Variants in TENM3 observed in about 807,000 individuals in gnomAD.
The protein encoded by TENM3 is teneurin-3.
TENM3 carries 63 observed loss-of-function variants against 255.1 expected under a neutral mutation model. The observed-to-expected ratio is 0.25, with a 90% CI of 0.20 to 0.30. The LOEUF is 0.30. Among genes scored for constraint, TENM3 ranks in the 10% least tolerant of loss-of-function variants. The probability of loss-of-function intolerance (pLI) is 1.00; values close to 1 mark genes in which losing one functional copy is unlikely to be tolerated. For missense variants in TENM3, 2,929 were observed against 3,461.1 expected (o/e 0.85, Z 3.86); for synonymous variants, 1,306 against 1,322.3 (o/e 0.99, Z 0.27).
the TENM3 span, among the ~76,000 whole-genome samples, chr4:181,495,639 C>T: frequency 2.0e-5 from 3 of 151,744 alleles, no homozygotes; most frequent in Admixed American, 1.3e-4. Flanking sequence ...CGACACTTTG[C>T]GTGTAAAGTT....
intron 6 of TENM3, among the ~76,000 whole-genome samples, chr4:182,670,658 A>G (rs1208955172): frequency 6.6e-6 from 1 of 152,126 alleles, no homozygotes; most frequent in Non-Finnish European, 1.5e-5. Context: ...AGCAATTCTA[A>G]CATTTGCTAG....
At chr4:182,346,509 G>A in intron 2 of TENM3, 142 bp from the exon 3 acceptor site, 1 of 836,318 alleles carries the variant, frequency 1.2e-6, no homozygotes, top group Non-Finnish European at 1.8e-6. Flanking sequence ...TGACGCTACT[G>A]TAAACGCCTG....
At chr4:182,522,676 G>A (rs764132807) in intron 3 of TENM3, among the ~76,000 whole-genome samples, 21 of 152,186 alleles carry the variant, frequency 1.4e-4, no homozygotes, top group African/African-American at 5.1e-4. Context: ...ATCTGCCGTG[G>A]TGTATACCAC....
At chr4:181,839,384 T>C in the TENM3 span, among the ~76,000 whole-genome samples, 34,259 of 82,916 alleles carry the variant, frequency 0.41, 7,608 homozygotes, top group East Asian at 0.49. Flanking sequence ...TATATATATA[T>C]ACACCTATAT....
At chr4:181,969,613 A>T in the TENM3 span, among the ~76,000 whole-genome samples, 1 of 152,218 alleles carries the variant, frequency 6.6e-6, no homozygotes, top group African/African-American at 2.4e-5. Flanking sequence ...AACAAATGCA[A>T]ATGAGTTCAG....
At chr4:181,933,812 C>T in the TENM3 span, among the ~76,000 whole-genome samples, 1 of 152,150 alleles carries the variant, frequency 6.6e-6, no homozygotes, top group South Asian at 2.1e-4. Flanking sequence ...CCTACGATAT[C>T]ACAAGAAATA....
the TENM3 span, among the ~76,000 whole-genome samples, chr4:181,951,191 G>A: frequency 3.9e-5 from 6 of 152,252 alleles, no homozygotes; most frequent in African/African-American, 1.4e-4. Flanking sequence ...TGCACTCAAT[G>A]CCTTTCATTC....
Position 182,494,982 on chromosome 4 carries a change from A to G in TENM3, c.512-105942A>G, listed in dbSNP as rs113798362. 3.0e-3 allele frequency among the ~76,000 whole-genome samples: 454 copies of G among 152,308 alleles called. 2 individuals carry two copies. Among genetic ancestry groups the G allele is most frequent in the African/African-American group, 0.01 (426 of 41,566 alleles). On this transcript the variant is annotated intron_variant, in intron 3 of 27. Coordinates refer to ENST00000511685, the MANE Select transcript of TENM3 (RefSeq NM_001080477.4). ...CACCAAGTGGTACCAAGTTCATTAC[A>G]GCAGCATCTTTGGAGATGTTGTATG...
chr4:181,804,368 G>T, the TENM3 span, among the ~76,000 whole-genome samples: 2 of 152,158 alleles, frequency 1.3e-5, no homozygotes, highest in Non-Finnish European at 2.9e-5. Flanking sequence ...GTGGATGTTT[G>T]CAGATAAAAT....
chr4:181,479,201 A>G, the TENM3 span, among the ~76,000 whole-genome samples: 1 of 152,218 alleles, frequency 6.6e-6, no homozygotes, highest in Non-Finnish European at 1.5e-5. Flanking sequence ...ATTTGCAAAT[A>G]TCATGTTAGG....
intron 3 of TENM3, among the ~76,000 whole-genome samples, chr4:182,375,699 A>G (rs1344102112): frequency 6.6e-6 from 1 of 151,872 alleles, no homozygotes; most frequent in East Asian, 1.9e-4. Flanking sequence ...AGGCCACCAC[A>G]CCTGGCTAAT....
chr4:182,543,894 G>A (rs1202412844), intron 3 of TENM3, among the ~76,000 whole-genome samples: 1 of 152,048 alleles, frequency 6.6e-6, no homozygotes, highest in Non-Finnish European at 1.5e-5. Context: ...TACCAATTCA[G>A]ATGATATCAT....
the TENM3 span, among the ~76,000 whole-genome samples, chr4:182,054,232 T>C: frequency 6.6e-6 from 1 of 152,166 alleles, no homozygotes; most frequent in Non-Finnish European, 1.5e-5. Flanking sequence ...TCCTGCCCAC[T>C]GCCCATCTCC....
the TENM3 span, among the ~76,000 whole-genome samples, chr4:181,453,704 G>T: frequency 6.6e-6 from 1 of 152,136 alleles, no homozygotes; most frequent in Non-Finnish European, 1.5e-5. Context: ...AAATAGCGCT[G>T]TTCTATCCTG....
intron 3 of TENM3, among the ~76,000 whole-genome samples, chr4:182,416,240 T>C (rs922162688): frequency 6.6e-6 from 1 of 152,162 alleles, no homozygotes; most frequent in African/African-American, 2.4e-5. Context: ...GTTATTCAAG[T>C]TGAGTTGAGG....
chr4:182,075,872 C>T, the TENM3 span, among the ~76,000 whole-genome samples: 2 of 152,154 alleles, frequency 1.3e-5, no homozygotes, highest in Non-Finnish European at 2.9e-5. Flanking sequence ...CAAATAAAAT[C>T]TGTACATTCC....
At chr4:181,991,118 A>G in the TENM3 span, among the ~76,000 whole-genome samples, 2 of 152,312 alleles carry the variant, frequency 1.3e-5, no homozygotes, top group African/African-American at 4.8e-5. Flanking sequence ...ATAAACAGGA[A>G]ACAATTTTAA....
At chr4:181,886,283 C>A in the TENM3 span, among the ~76,000 whole-genome samples, 7 of 152,058 alleles carry the variant, frequency 4.6e-5, no homozygotes, top group Admixed American at 3.9e-4. Flanking sequence ...GAACTCCCGA[C>A]CTCAAGTGAT....
chr4:182,228,392 G>GTGTGTGTGTGTGTGTGTA lies in TENM3; in HGVS notation c.-76+83639_-76+83640insGTGTGTGTGTGTGTGTAT, dbSNP rs139457090. Among the ~76,000 whole-genome samples the GTGTGTGTGTGTGTGTGTA allele has an allele frequency of 4.0e-4, 42 of 104,512 alleles. 4 individuals are homozygous for GTGTGTGTGTGTGTGTGTA. Among genetic ancestry groups the GTGTGTGTGTGTGTGTGTA allele is most frequent in the Admixed American group, 2.9e-3 (32 of 10,986 alleles). 68.6% of individuals were successfully genotyped at this position (104,512 alleles called of 152,430 possible). On this transcript the variant is annotated intron_variant, in intron 1 of 2. Transcript: ENST00000512480. ...TGTGTGTGTGTGTGTGTGTGTGTGT[G>GTGTGTGTGTGTGTGTGTA]TATATGTAATCCCTCCCAGCTCTAA...
Sources: allele counts gnomAD v4.1 joint callset (sites outside exome capture counted in the v4.1 genomes callset), GRCh38; gene constraint gnomAD v4.1.1; transcripts MANE v1.5; gene names NCBI Gene and HGNC (gene_info 2026-07-23, HGNC 2026-07-21).